Variants in AGR3 observed in about 807,000 individuals in gnomAD.
AGR3 encodes anterior gradient protein 3.
Under a neutral mutation model 24.5 loss-of-function variants are expected in AGR3, and 37 were observed. The ratio of observed to expected loss-of-function variants is 1.51; its 90% CI spans 1.16 to 1.99. The LOEUF is 1.99. AGR3 is among the 30% of genes most tolerant of loss of function. The pLI, the probability that AGR3 is intolerant of heterozygous loss-of-function variation, is 0.00. For missense variants in AGR3, 228 were observed against 191.1 expected (o/e 1.19, Z -1.14); for synonymous variants, 75 against 61.6 (o/e 1.22, Z -1.02).
At chr7:16,873,582 AG>A (rs2115312477) in intron 3 of AGR3, 197 bp downstream of exon 3, 1 of 559,224 alleles carries the variant, frequency 1.8e-6, no homozygotes, top group East Asian at 3.0e-5. Context: ...ATATTTAAAA[AG>A]CTAGTAGAGA....
intron 2 of AGR3, among the ~76,000 whole-genome samples, chr7:16,877,592 G>A (rs1037453882): frequency 2.6e-5 from 4 of 151,722 alleles, no homozygotes; most frequent in Non-Finnish European, 2.9e-5. Flanking sequence ...GGCCGGGCGC[G>A]GTGGCTCACG....
At position 16,860,313 on chromosome 7, in the gene AGR3, T is replaced by C. The variant is rs550389247; in HGVS notation, c.451+187A>G. 56 of 547,516 alleles carry C rather than the reference T, an allele frequency of 1.0e-4. 2 individuals carry two copies. The highest frequency in any genetic ancestry group is 9.7e-4 in the Middle Eastern group (2 of 2,062). 33.9% of individuals were successfully genotyped at this position (547,516 alleles called of 1,614,324 possible). ...AATCCTAAAATCCCTTAGACATCCCTGTTAAAATAGATTCTGAGGTACCCC... is the reference window on the plus strand; with the variant it reads ...AATCCTAAAATCCCTTAGACATCCCCGTTAAAATAGATTCTGAGGTACCCC... On this transcript the variant is annotated intron_variant, in intron 7 of 7. Coordinates refer to ENST00000310398, the MANE Select transcript of AGR3 (RefSeq NM_176813.5).
intron 2 of AGR3, among the ~76,000 whole-genome samples, chr7:16,874,859 G>A (rs1312826947): frequency 6.6e-6 from 1 of 152,100 alleles, no homozygotes; most frequent in Non-Finnish European, 1.5e-5. Context: ...GCTCATGACT[G>A]TAATCCTAGC....
At chr7:16,865,659 TC>T in intron 3 of AGR3, 2 of 797,832 alleles carry the variant, frequency 2.5e-6, no homozygotes, top group Non-Finnish European at 4.5e-6. Flanking sequence ...TTATCAGTTC[TC>T]AGATGATCTC....
At chr7:16,865,606 C>G in intron 3 of AGR3, 1 of 732,722 alleles carries the variant, frequency 1.4e-6, no homozygotes, top group Non-Finnish European at 2.5e-6. Flanking sequence ...GTATGAGAAT[C>G]CCTATAAACT....
intron 3 of AGR3, among the ~76,000 whole-genome samples, chr7:16,863,094 A>G (rs1389445491): frequency 6.6e-6 from 1 of 152,180 alleles, no homozygotes; most frequent in African/African-American, 2.4e-5. Context: ...ACAAAAAACC[A>G]AAGGCTTCAT....
chr7:16,864,492 A>G lies in AGR3; in HGVS notation c.174-1830T>C, dbSNP rs1163151626. On this transcript the variant is annotated intron_variant, in intron 3 of 7. Transcript: ENST00000310398. ...CTCCACTGTCAGGGTCGATCATTCC[A>G]TGTTCCCTGTCAGTCAGGGCTTCCA... 3 of 1,262,694 alleles carry G rather than the reference A, an allele frequency of 2.4e-6. No homozygotes were observed. In the African/African-American group the frequency reaches 4.4e-5, roughly 19 times the overall value. 78.2% of individuals were successfully genotyped at this position (1,262,694 alleles called of 1,614,324 possible). A position where few individuals can be genotyped will look rare whatever the true frequency, so the allele number is the denominator to read the frequency against.
downstream of AGR3, among the ~76,000 whole-genome samples, chr7:16,855,329 G>A (rs1268603680): frequency 6.6e-6 from 1 of 152,034 alleles, no homozygotes; most frequent in Non-Finnish European, 1.5e-5. Context: ...AATTCAACCT[G>A]TTACTGTATC....
intron 3 of AGR3, chr7:16,864,143 G>A (rs1215947962): frequency 5.4e-6 from 3 of 556,976 alleles, no homozygotes; most frequent in South Asian, 2.5e-5. Context: ...AAGACTACAG[G>A]AACGGAGAAT....
chr7:16,861,535 C>T, intron 5 of AGR3, 88 bp from the exon 6 acceptor site: 1 of 1,106,968 alleles, frequency 9.0e-7, no homozygotes, highest in South Asian at 1.4e-5. Flanking sequence ...TCAGTAAATT[C>T]TATTTTGGCC....
downstream of AGR3, among the ~76,000 whole-genome samples, chr7:16,858,879 C>CAAAT (rs1206444960): frequency 6.6e-6 from 1 of 151,892 alleles, no homozygotes; most frequent in Non-Finnish European, 1.5e-5. Flanking sequence ...AACTTTGTCT[C>CAAAT]AAATAAATAA....
At chr7:16,864,295 A>G in intron 3 of AGR3, 1 of 1,356,600 alleles carries the variant, frequency 7.4e-7, no homozygotes, top group Middle Eastern at 1.8e-4. Flanking sequence ...GTCTTCTATT[A>G]TTATATTTTC....
intron 3 of AGR3, chr7:16,865,083 G>A (rs919751585): frequency 5.3e-6 from 4 of 761,350 alleles, no homozygotes; most frequent in African/African-American, 5.2e-5. Context: ...TGTTAAAGAT[G>A]CTCTTTTACT....
At position 16,871,073 on chromosome 7, in the gene AGR3, A is replaced by G. The variant is rs137875240; in HGVS notation, c.173+2707T>C. Among the ~76,000 whole-genome samples the G allele has an allele frequency of 1.8e-4, 27 of 152,296 alleles. No homozygotes were observed. In the East Asian group the frequency reaches 4.8e-3, roughly 27 times the overall value. ...CCTAGAACAGTGTCTGGTACATAGC[A>G]GTGGACATTCAAGGAATACTTGACT... On this transcript the variant is annotated intron_variant, in intron 3 of 7. Transcript: ENST00000310398.
intron 2 of AGR3, among the ~76,000 whole-genome samples, chr7:16,875,124 A>G (rs939717059): frequency 1.3e-5 from 2 of 151,812 alleles, no homozygotes; most frequent in African/African-American, 4.8e-5. Context: ...CAAAAAAAAA[A>G]AAAAAAAGAA....
intron 3 of AGR3, among the ~76,000 whole-genome samples, chr7:16,870,199 C>T (rs1470224679): frequency 6.6e-6 from 1 of 151,858 alleles, no homozygotes; most frequent in East Asian, 1.9e-4. Context: ...AGGTATTTAA[C>T]AAGTTTTTTT....
chr7:16,861,570 G>T, intron 5 of AGR3, 123 bp from the exon 6 acceptor site: 2 of 758,444 alleles, frequency 2.6e-6, no homozygotes, highest in South Asian at 1.9e-5. Context: ...ACAACTTTCT[G>T]TATTAACCAA....
intron 2 of AGR3, 55 bp downstream of exon 2, chr7:16,878,455 T>G (rs1562552671): frequency 6.7e-7 from 1 of 1,501,400 alleles, no homozygotes. Context: ...ACACCAGATA[T>G]TTTAAAAAGC....
intron 3 of AGR3, among the ~76,000 whole-genome samples, chr7:16,870,976 T>C (rs1366014316): frequency 1.3e-5 from 2 of 152,174 alleles, no homozygotes; most frequent in African/African-American, 4.8e-5. Context: ...CTTTTAATAA[T>C]ATGTTTCTCA....
Sources: allele counts gnomAD v4.1 joint callset (sites outside exome capture counted in the v4.1 genomes callset), GRCh38; gene constraint gnomAD v4.1.1; transcripts MANE v1.5; gene names NCBI Gene and HGNC (gene_info 2026-07-23, HGNC 2026-07-21).